Variants in LRRC7 observed in about 807,000 individuals in gnomAD.
LRRC7 encodes leucine rich repeat containing 7, also known as leucine-rich repeat-containing protein 7.
LRRC7 carries 23 observed loss-of-function variants against 175.7 expected under a neutral mutation model. The ratio of observed to expected loss-of-function variants is 0.13; its 90% confidence interval spans 0.09 to 0.19. The LOEUF (loss-of-function observed/expected upper bound fraction) is 0.19, where lower values mean the gene tolerates loss of function less well. LRRC7 is among the 10% of genes least tolerant of loss of function. The pLI is 1.00. For synonymous variants in LRRC7, 685 were observed against 680.9 expected (o/e 1.01, Z -0.09); for missense variants, 1,354 against 1,904.7 (o/e 0.71, Z 5.38).
intron 1 of LRRC7, among the ~76,000 whole-genome samples, chr1:69,609,134 G>A (rs1648281946): frequency 6.6e-6 from 1 of 151,586 alleles, no homozygotes; most frequent in East Asian, 1.9e-4. Context: ...TAAAAGCAAA[G>A]AGAAAGAACA....
intron 8 of LRRC7, among the ~76,000 whole-genome samples, chr1:69,940,204 G>A (rs2101796818): frequency 6.6e-6 from 1 of 152,236 alleles, no homozygotes; most frequent in East Asian, 1.9e-4. Flanking sequence ...TTTTATCAAT[G>A]CAACATCTCT....
chr1:69,982,217 C>T (rs1336870869), intron 9 of LRRC7, among the ~76,000 whole-genome samples: 1 of 152,144 alleles, frequency 6.6e-6, no homozygotes, highest in South Asian at 2.1e-4. Context: ...TTGTCTGTCT[C>T]GAGAGTAGAT....
intron 1 of LRRC7, among the ~76,000 whole-genome samples, chr1:69,664,978 G>T (rs1658055154): frequency 6.6e-6 from 1 of 152,114 alleles, no homozygotes; most frequent in Non-Finnish European, 1.5e-5. Context: ...TTTGATCTTT[G>T]TATATGGTGA....
chr1:69,605,049 G>T (rs1043152343), intron 1 of LRRC7, among the ~76,000 whole-genome samples: 6 of 152,134 alleles, frequency 3.9e-5, no homozygotes, highest in Non-Finnish European at 7.4e-5. Context: ...ATGTGATATG[G>T]TGTGGCTGTG....
intron 3 of LRRC7, among the ~76,000 whole-genome samples, chr1:69,790,911 C>T (rs1171792405): frequency 6.6e-6 from 1 of 151,956 alleles, no homozygotes; most frequent in Non-Finnish European, 1.5e-5. Context: ...CTGCATATTT[C>T]ATATTAAGTA....
intron 2 of LRRC7, among the ~76,000 whole-genome samples, chr1:69,722,374 G>A (rs1444439674): frequency 6.6e-6 from 1 of 152,092 alleles, no homozygotes; most frequent in African/African-American, 2.4e-5. Context: ...ATGCAAGACT[G>A]TTTTGCATCT....
At chr1:69,664,730 C>T (rs866017258) in intron 1 of LRRC7, among the ~76,000 whole-genome samples, 18 of 152,248 alleles carry the variant, frequency 1.2e-4, no homozygotes, top group Middle Eastern at 6.8e-3. Flanking sequence ...GTAGTTTGCA[C>T]ATATCTTCTC....
intron 19 of LRRC7, 100 bp from the exon 20 acceptor site, chr1:70,036,344 A>T: frequency 7.1e-7 from 1 of 1,408,394 alleles, no homozygotes; most frequent in Middle Eastern, 1.8e-4. Context: ...ACAAATATGC[A>T]TTTCTAACCT....
At position 69,885,888 on chromosome 1, in the gene LRRC7, C is replaced by A. The variant is rs994230148; in HGVS notation, c.648-45619C>A. Reference sequence around the variant, plus strand: ...TTTCGTTATGTATCCAGTAGTCATTCAGGAGCAGTTTGTTCAGTTTCCATG... The same window carrying A: ...TTTCGTTATGTATCCAGTAGTCATTAAGGAGCAGTTTGTTCAGTTTCCATG... On this transcript the variant is annotated intron_variant, in intron 7 of 26. Transcript: ENST00000651989. 5.5e-5 allele frequency among the ~76,000 whole-genome samples: 6 copies of A among 109,366 alleles called. 1 individual carries two copies. In the Admixed American group the frequency reaches 5.6e-4, roughly 10 times the overall value. The allele number at this position is 109,366 out of a possible 152,430, so 71.7% of individuals were successfully genotyped here.
At chr1:69,924,201 T>C (rs1394304609) in intron 7 of LRRC7, among the ~76,000 whole-genome samples, 1 of 152,142 alleles carries the variant, frequency 6.6e-6, no homozygotes, top group Non-Finnish European at 1.5e-5. Flanking sequence ...TTTTGGTTAC[T>C]GTAGCCTTGT....
chr1:70,039,398 C>A lies in LRRC7; in HGVS notation c.3574C>A (p.Arg1192Ser). Residue 1192 changes from arginine to serine, a missense_variant, in exon 21 of 27, where the codon CGC becomes AGC. Around this residue, in one of 4 missense-constraint regions of LRRC7, gnomAD observed 1,032 missense variants for 1,227.2 expected, o/e 0.84. Coordinates refer to ENST00000651989, the MANE Select transcript of LRRC7 (RefSeq NM_001370785.2). The part of the protein sequence containing the change: ...GRPPYRGGLD[R>S]QSSVTVTESQ... ...ACCCCCATATAGGGGAGGGCTGGAT[C>A]GCCAAAGCAGCGTTACAGTGACTGA... The A allele has an allele frequency of 1.9e-6, 3 of 1,614,074 alleles. No individual in the cohort carries two copies. Among genetic ancestry groups the A allele is most frequent in the Non-Finnish European group, 2.5e-6 (3 of 1,180,010 alleles).
chr1:69,828,180 G>T (rs1344665078), intron 5 of LRRC7, among the ~76,000 whole-genome samples: 1 of 152,118 alleles, frequency 6.6e-6, no homozygotes, highest in African/African-American at 2.4e-5. Flanking sequence ...TACCTCAGTT[G>T]ATAGGCATTT....
intron 21 of LRRC7, among the ~76,000 whole-genome samples, chr1:70,042,888 TA>T (rs890425704): frequency 2.0e-5 from 3 of 152,324 alleles, no homozygotes; most frequent in Middle Eastern, 3.4e-3. Context: ...ACTTTGATGC[TA>T]AAAATCATTA....
intron 2 of LRRC7, among the ~76,000 whole-genome samples, chr1:69,681,862 A>G (rs1462064635): frequency 6.6e-6 from 1 of 152,162 alleles, no homozygotes; most frequent in Admixed American, 6.6e-5. Flanking sequence ...TTATGTTGCT[A>G]TAATAGTTTT....
At chr1:69,568,672 G>A (rs769631025) in intron 1 of LRRC7, 31 bp downstream of exon 1, 2 of 1,293,474 alleles carry the variant, frequency 1.5e-6, no homozygotes, top group African/African-American at 3.9e-5. Context: ...CCGTGGCGGA[G>A]GGTGCTGCGG....
chr1:69,806,824 T>A (rs1335326587), intron 4 of LRRC7, among the ~76,000 whole-genome samples: 4 of 152,014 alleles, frequency 2.6e-5, no homozygotes, highest in South Asian at 2.1e-4. Context: ...GACATGAAGA[T>A]TCCTGGTGTC....
At chr1:69,863,367 G>C (rs987460870) in intron 7 of LRRC7, among the ~76,000 whole-genome samples, 2 of 151,814 alleles carry the variant, frequency 1.3e-5, no homozygotes, top group Admixed American at 6.6e-5. Context: ...TTTTTTACTT[G>C]TCTCTCTCAT....
At chr1:69,701,317 G>T (rs1171230720) in intron 2 of LRRC7, among the ~76,000 whole-genome samples, 1 of 152,054 alleles carries the variant, frequency 6.6e-6, no homozygotes, top group Non-Finnish European at 1.5e-5. Flanking sequence ...ACTATTCATA[G>T]AATATTGTGC....
Position 70,038,157 on chromosome 1 carries a change from T to G in LRRC7, c.2333T>G (p.Leu778Arg), listed in dbSNP as rs780689303. ...FPQPLDSKPL[L>R]SQREAVPPGN... ...CAGCCTCTTGATTCAAAGCCATTAC[T>G]CAGCCAGCGGGAGGCTGTTCCCCCA... Residue 778 changes from leucine to arginine, a missense_variant, in exon 21 of 27, where the codon CTC (leucine) becomes CGC (arginine). Transcript: ENST00000651989. 3 of 1,613,480 alleles carry G rather than the reference T, an allele frequency of 1.9e-6. No individual in the cohort carries two copies. In the South Asian group the frequency reaches 3.3e-5, roughly 18 times the overall value.
Sources: gnomAD v4.1 joint callset for allele counts (sites outside exome capture counted in the v4.1 genomes callset) on GRCh38, gnomAD v4.1.1 for gene constraint, gnomAD v4.1.1 regional missense constraint, MANE v1.5 for transcripts, NCBI Gene and HGNC (gene_info 2026-07-23, HGNC 2026-07-21) for gene names.